Variants in SLC25A21 observed in about 807,000 individuals in gnomAD.
The protein encoded by SLC25A21 is solute carrier family 25 member 21.
A neutral mutation model predicts 43.8 loss-of-function variants in SLC25A21; 47 were observed. The observed-to-expected ratio is 1.07, with a 90% CI of 0.85 to 1.37. The LOEUF (loss-of-function observed/expected upper bound fraction) is 1.37, where lower values mean the gene tolerates loss of function less well. SLC25A21 is among the 40% of genes most tolerant of loss of function. The pLI is 0.00. For synonymous variants in SLC25A21, 131 were observed against 121.3 expected, an observed-to-expected ratio of 1.08 and a Z score of -0.52; for missense variants, 352 against 350.2, an observed-to-expected ratio of 1.00 and a Z score of -0.04.
chr14:36,979,417 G>A (rs547645359), intron 1 of SLC25A21, among the ~76,000 whole-genome samples: 3 of 151,448 alleles, frequency 2.0e-5, no homozygotes, highest in African/African-American at 2.4e-5. Context: ...GTGCAGTGGC[G>A]TGATAGTGGC....
intron 2 of SLC25A21, among the ~76,000 whole-genome samples, chr14:36,825,529 AC>A (rs1201512683): frequency 6.6e-6 from 1 of 152,128 alleles, no homozygotes; most frequent in African/African-American, 2.4e-5. Flanking sequence ...AATAAAACCA[AC>A]TCATATGTTT....
At chr14:36,698,385 T>G (rs970133640) in intron 7 of SLC25A21, among the ~76,000 whole-genome samples, 1 of 152,214 alleles carries the variant, frequency 6.6e-6, no homozygotes, top group Non-Finnish European at 1.5e-5. Flanking sequence ...CTGACAATTA[T>G]GTGTCTTGGG....
At chr14:36,815,773 T>G (rs2138450274) in intron 2 of SLC25A21, among the ~76,000 whole-genome samples, 1 of 152,264 alleles carries the variant, frequency 6.6e-6, no homozygotes, top group Non-Finnish European at 1.5e-5. Flanking sequence ...TGAGTTGTTT[T>G]CTATACTTTG....
At chr14:37,143,350 A>G (rs1405716175) in intron 1 of SLC25A21, among the ~76,000 whole-genome samples, 2 of 152,210 alleles carry the variant, frequency 1.3e-5, no homozygotes, top group African/African-American at 4.8e-5. Flanking sequence ...TGCACTGCAC[A>G]TTCCTCGTGG....
At chr14:37,018,470 T>A (rs1008941085) in intron 1 of SLC25A21, among the ~76,000 whole-genome samples, 2 of 152,040 alleles carry the variant, frequency 1.3e-5, no homozygotes, top group African/African-American at 4.8e-5. Flanking sequence ...CAATTTTTAT[T>A]TGTCAGTTAT....
Position 36,679,076 on chromosome 14 carries a change from G to A in SLC25A21, c.*1582C>T. 5 of 985,372 alleles carry A rather than the reference G, an allele frequency of 5.1e-6. No homozygotes were observed. Among genetic ancestry groups the A allele is most frequent in the Non-Finnish European group, 4.8e-6 (4 of 829,926 alleles). The allele number at this position is 985,372 out of a possible 1,614,324, so 61.0% of individuals were successfully genotyped here. A position where few individuals can be genotyped will look rare whatever the true frequency, so the allele number is the denominator to read the frequency against. On this transcript the variant is annotated 3_prime_UTR_variant, in exon 10 of 10. Coordinates refer to ENST00000331299, the MANE Select transcript of SLC25A21 (RefSeq NM_030631.4). ...ATCTGATCCACATGGAGAGGTTAAAGGTTCAATTTCATGACCTCTATGCAG... is the reference window on the plus strand; with the variant it reads ...ATCTGATCCACATGGAGAGGTTAAAAGTTCAATTTCATGACCTCTATGCAG...
At position 36,807,193 on chromosome 14, in the gene SLC25A21, T is replaced by A. The variant is rs551438378; in HGVS notation, c.203+6725A>T. ...TGCTCAGGGGTCTGAGATGTAGATC[T>A]CATCTGAGCGAAGACTCAGCCAGAT... On this transcript the variant is annotated intron_variant, in intron 3 of 9. Coordinates refer to ENST00000331299, the MANE Select transcript of SLC25A21 (RefSeq NM_030631.4). The A allele has an allele frequency of 2.6e-5, 4 of 152,310 alleles. 1 individual carries two copies. The highest frequency in any genetic ancestry group is 9.6e-5 in the African/African-American group (4 of 41,558). The allele number at this position is 152,310 out of a possible 1,614,324, so 9.4% of individuals were successfully genotyped here.
intron 2 of SLC25A21, among the ~76,000 whole-genome samples, chr14:36,868,870 G>A (rs1483946187): frequency 2.0e-5 from 3 of 152,198 alleles, no homozygotes; most frequent in East Asian, 3.9e-4. Flanking sequence ...GGGAGAGAAG[G>A]GAGAAAGCAG....
At chr14:37,108,628 C>T (rs760011122) in intron 1 of SLC25A21, among the ~76,000 whole-genome samples, 12 of 151,742 alleles carry the variant, frequency 7.9e-5, no homozygotes, top group Non-Finnish European at 1.2e-4. Flanking sequence ...ACATTGAGAC[C>T]TTGCTGCTAC....
At chr14:37,038,532 T>C (rs1961377389) in intron 1 of SLC25A21, among the ~76,000 whole-genome samples, 1 of 152,234 alleles carries the variant, frequency 6.6e-6, no homozygotes, top group East Asian at 1.9e-4. Context: ...AAGAGTTTTC[T>C]GTTTTAACTC....
intron 3 of SLC25A21, among the ~76,000 whole-genome samples, chr14:36,753,961 A>AGAC (rs1594554870): frequency 1.2e-5 from 1 of 84,718 alleles, no homozygotes; most frequent in Non-Finnish European, 2.8e-5. Context: ...GAGAGAGAGA[A>AGAC]AGAGAGAGAA....
intron 1 of SLC25A21, among the ~76,000 whole-genome samples, chr14:36,908,893 T>C (rs564822603): frequency 6.6e-6 from 1 of 152,250 alleles, no homozygotes; most frequent in African/African-American, 2.4e-5. Flanking sequence ...ACTAGCATAA[T>C]TGATTTACTA....
chr14:36,946,035 C>T (rs1892672876), intron 1 of SLC25A21, among the ~76,000 whole-genome samples: 1 of 152,142 alleles, frequency 6.6e-6, no homozygotes, highest in African/African-American at 2.4e-5. Context: ...TATGTGAATG[C>T]TTCCGTTAGC....
intron 1 of SLC25A21, among the ~76,000 whole-genome samples, chr14:37,008,460 G>C (rs1337885618): frequency 1.3e-5 from 2 of 152,188 alleles, no homozygotes; most frequent in African/African-American, 4.8e-5. Context: ...AATAGAGGAT[G>C]TGAAATCCAA....
intron 1 of SLC25A21, among the ~76,000 whole-genome samples, chr14:37,083,057 T>C (rs1962418658): frequency 6.6e-6 from 1 of 152,184 alleles, no homozygotes; most frequent in East Asian, 1.9e-4. Flanking sequence ...AGTTTAAATC[T>C]ATCCTAACTG....
At chr14:37,039,070 G>A (rs1447330253) in intron 1 of SLC25A21, among the ~76,000 whole-genome samples, 3 of 152,194 alleles carry the variant, frequency 2.0e-5, no homozygotes, top group Non-Finnish European at 4.4e-5. Flanking sequence ...CTTAGGAGCA[G>A]AGAACAGTTG....
At chr14:36,835,948 CT>C (rs1889194021) in intron 2 of SLC25A21, among the ~76,000 whole-genome samples, 2 of 152,162 alleles carry the variant, frequency 1.3e-5, no homozygotes, top group Admixed American at 1.3e-4. Context: ...TATTTTCATT[CT>C]TCTTACCTTT....
At chr14:36,785,192 C>A (rs959509132) in intron 3 of SLC25A21, among the ~76,000 whole-genome samples, 1 of 152,170 alleles carries the variant, frequency 6.6e-6, no homozygotes, top group Non-Finnish European at 1.5e-5. Context: ...TTCTCTCTGG[C>A]ACACAGGTGG....
At chr14:36,917,445 C>G (rs1222965617) in intron 1 of SLC25A21, among the ~76,000 whole-genome samples, 3 of 152,088 alleles carry the variant, frequency 2.0e-5, no homozygotes, top group Admixed American at 2.0e-4. Context: ...TTGTTTATAT[C>G]TTTTTCTTAT....
Sources: allele counts gnomAD v4.1 joint callset (sites outside exome capture counted in the v4.1 genomes callset), GRCh38; gene constraint gnomAD v4.1.1; transcripts MANE v1.5; gene names NCBI Gene and HGNC (gene_info 2026-07-23, HGNC 2026-07-21).